The following MGAT4C variants were observed in gnomAD, a reference collection of about 807,000 sequenced individuals.
MGAT4C encodes alpha-1,3-mannosyl-glycoprotein 4-beta-N-acetylglucosaminyltransferase C.
In MGAT4C, 19 loss-of-function variants were observed where a neutral mutation model predicts 40.1. The ratio of observed to expected loss-of-function variants is 0.47; its 90% CI spans 0.33 to 0.70. MGAT4C has a LOEUF of 0.70. Among genes scored for constraint, MGAT4C ranks in the 30% least tolerant of loss-of-function variants. MGAT4C has a pLI of 0.02. For missense variants in MGAT4C, 491 were observed against 563.2 expected, an observed-to-expected ratio of 0.87 and a Z score of 1.30; for synonymous variants, 181 against 187.1, an observed-to-expected ratio of 0.97 and a Z score of 0.27.
chr12:86,450,946 C>A (rs1957416965), intron 2 of MGAT4C, among the ~76,000 whole-genome samples: 1 of 152,010 alleles, frequency 6.6e-6, no homozygotes, highest in Non-Finnish European at 1.5e-5. Context: ...CTTTCTTCTA[C>A]ATTAAGTGTT....
intron 2 of MGAT4C, among the ~76,000 whole-genome samples, chr12:86,512,911 G>C (rs1489567691): frequency 6.8e-6 from 1 of 146,856 alleles, no homozygotes; most frequent in Non-Finnish European, 1.5e-5. Flanking sequence ...ATTTTTAAAG[G>C]GTAGATCTCA....
At chr12:86,301,018 C>T (rs1237767362) in intron 4 of MGAT4C, among the ~76,000 whole-genome samples, 1 of 152,076 alleles carries the variant, frequency 6.6e-6, no homozygotes, top group Non-Finnish European at 1.5e-5. Flanking sequence ...AATTCAATCT[C>T]GTGGGAGCAG....
chr12:86,087,047 C>T (rs1871984637), intron 1 of MGAT4C, among the ~76,000 whole-genome samples: 1 of 152,018 alleles, frequency 6.6e-6, no homozygotes, highest in African/African-American at 2.4e-5. Flanking sequence ...GTATATACCC[C>T]ACATTTTCTT....
intron 4 of MGAT4C, among the ~76,000 whole-genome samples, chr12:86,261,596 C>T (rs1952659540): frequency 6.6e-6 from 1 of 152,034 alleles, no homozygotes; most frequent in Non-Finnish European, 1.5e-5. Context: ...CAATATTTTG[C>T]AACCCGTGTA....
intron 3 of MGAT4C, among the ~76,000 whole-genome samples, chr12:86,398,369 C>T (rs1043866074): frequency 6.6e-6 from 1 of 152,170 alleles, no homozygotes; most frequent in African/African-American, 2.4e-5. Context: ...TCCATCTCAA[C>T]ATGCTTAATT....
At chr12:86,044,352 C>T (rs1892179826) in intron 2 of MGAT4C, among the ~76,000 whole-genome samples, 1 of 152,146 alleles carries the variant, frequency 6.6e-6, no homozygotes, top group Non-Finnish European at 1.5e-5. Context: ...TGTTTGTTTG[C>T]ACATGCCAGC....
In MGAT4C at chr12:86,310,909, A is replaced by G. The variant is rs186036657; in HGVS notation, c.-57+23156T>C. On this transcript the variant is annotated intron_variant, in intron 4 of 7. Transcript: ENST00000548651. ...ACCGCACTCCAGCCTGTGCGACACA[A>G]TGAGACTTCGTCTCAAAAAACAAAC... 2.4e-3 allele frequency among the ~76,000 whole-genome samples: 361 copies of G among 152,320 alleles called. 2 individuals are homozygous for G. Among genetic ancestry groups the G allele is most frequent in the Non-Finnish European group, 2.2e-3 (148 of 68,020 alleles).
At chr12:86,028,073 T>C (rs1565879928) in intron 2 of MGAT4C, 1 of 1,217,660 alleles carries the variant, frequency 8.2e-7, no homozygotes, top group Non-Finnish European at 1.1e-6. Context: ...TGCTGTTAAA[T>C]CTTCCATCAA....
At chr12:86,132,978 T>G (rs2135716491) in intron 1 of MGAT4C, among the ~76,000 whole-genome samples, 1 of 152,282 alleles carries the variant, frequency 6.6e-6, no homozygotes, top group Middle Eastern at 3.4e-3. Context: ...CTATATATTT[T>G]CTCAGTTCAG....
intron 2 of MGAT4C, among the ~76,000 whole-genome samples, chr12:86,589,265 C>G (rs1427586067): frequency 1.3e-5 from 2 of 151,698 alleles, no homozygotes; most frequent in Non-Finnish European, 3.0e-5. Context: ...TCAGAGATTA[C>G]TACAAACACC....
intron 2 of MGAT4C, among the ~76,000 whole-genome samples, chr12:86,045,468 C>A (rs1196112010): frequency 2.6e-5 from 4 of 152,108 alleles, no homozygotes; most frequent in African/African-American, 4.8e-5. Flanking sequence ...GGGAGCCAAG[C>A]TATACAATTT....
At chr12:86,168,588 T>C (rs1886442925) in intron 1 of MGAT4C, among the ~76,000 whole-genome samples, 1 of 152,142 alleles carries the variant, frequency 6.6e-6, no homozygotes, top group Non-Finnish European at 1.5e-5. Flanking sequence ...GATAACTGAC[T>C]GCAATGCATA....
chr12:86,250,751 AT>A (rs1465528636), intron 1 of MGAT4C, among the ~76,000 whole-genome samples: 14 of 152,088 alleles, frequency 9.2e-5, no homozygotes, highest in African/African-American at 2.7e-4. Context: ...TATTTAATTC[AT>A]TTTTTATCTT....
intron 1 of MGAT4C, among the ~76,000 whole-genome samples, chr12:86,183,978 T>TC (rs1888428182): frequency 1.3e-5 from 2 of 152,156 alleles, no homozygotes; most frequent in Non-Finnish European, 2.9e-5. Context: ...TTTAAAAATA[T>TC]TGAAGAGAAC....
chr12:86,680,251 A>G (rs978598912), intron 2 of MGAT4C, among the ~76,000 whole-genome samples: 4 of 152,054 alleles, frequency 2.6e-5, no homozygotes, highest in Non-Finnish European at 4.4e-5. Context: ...TACTTTTAGT[A>G]ACATCTAGGT....
At chr12:86,163,350 T>C (rs1885821325) in intron 1 of MGAT4C, among the ~76,000 whole-genome samples, 1 of 151,924 alleles carries the variant, frequency 6.6e-6, no homozygotes, top group Non-Finnish European at 1.5e-5. Context: ...CACCACCATG[T>C]TAGGCCAATT....
intron 3 of MGAT4C, among the ~76,000 whole-genome samples, chr12:86,405,559 CTTG>C: frequency 2.0e-5 from 3 of 151,908 alleles, no homozygotes; most frequent in Admixed American, 2.0e-4. Context: ...ACTCTCTCAA[CTTG>C]AAATACAGTT....
chr12:86,650,946 A>T (rs1180497598), intron 2 of MGAT4C, among the ~76,000 whole-genome samples: 3 of 151,884 alleles, frequency 2.0e-5, no homozygotes, highest in Non-Finnish European at 4.4e-5. Context: ...GGAGCTGATT[A>T]TGTGCAGTTC....
At chr12:86,476,502 T>C (rs963747072) in intron 2 of MGAT4C, among the ~76,000 whole-genome samples, 4 of 152,102 alleles carry the variant, frequency 2.6e-5, no homozygotes, top group African/African-American at 7.2e-5. Flanking sequence ...GTTCAGTCCC[T>C]GTGGAAGGCA....
Sources: gnomAD v4.1 joint callset for allele counts (sites outside exome capture counted in the v4.1 genomes callset) on GRCh38, gnomAD v4.1.1 for gene constraint, MANE v1.5 for transcripts, NCBI Gene and HGNC (gene_info 2026-07-23, HGNC 2026-07-21) for gene names.